LRMDA: variants seen among roughly 807,000 people sequenced by gnomAD.
The protein encoded by LRMDA is leucine-rich melanocyte differentiation-associated protein.
LRMDA carries 18 observed loss-of-function variants against 29.8 expected under a neutral mutation model. That is an observed-to-expected ratio of 0.60 (90% CI 0.42 to 0.90). LRMDA has a LOEUF of 0.90. Ranked by LOEUF, LRMDA falls within the 40% of genes least tolerant of loss-of-function variation. The pLI, the probability that LRMDA is intolerant of heterozygous loss-of-function variation, is 0.00. For synonymous variants in LRMDA, 125 were observed against 109.4 expected, an observed-to-expected ratio of 1.14 and a Z score of -0.89; for missense variants, 273 against 273.9, an observed-to-expected ratio of 1.00 and a Z score of 0.02.
At chr10:76,049,154 G>T (rs1848490263) in intron 4 of LRMDA, among the ~76,000 whole-genome samples, 1 of 152,144 alleles carries the variant, frequency 6.6e-6, no homozygotes, top group African/African-American at 2.4e-5. Flanking sequence ...TACAAGTGTG[G>T]TCTATCTCAT....
chr10:75,683,029 G>A (rs1429151993), intron 2 of LRMDA, among the ~76,000 whole-genome samples: 2 of 152,130 alleles, frequency 1.3e-5, no homozygotes, highest in African/African-American at 2.4e-5. Context: ...GGATTTACAC[G>A]TTGCTGAGCT....
intron 2 of LRMDA, among the ~76,000 whole-genome samples, chr10:76,030,259 T>C (rs1051751223): frequency 6.6e-6 from 1 of 152,120 alleles, no homozygotes; most frequent in Non-Finnish European, 1.5e-5. Context: ...TGTGTGTGTG[T>C]GTGTGTATAT....
chr10:76,363,157 GAAAGAAAGAAA>G (rs1841335446), intron 6 of LRMDA, among the ~76,000 whole-genome samples: 3 of 38,932 alleles, frequency 7.7e-5, no homozygotes, highest in African/African-American at 2.3e-4. Flanking sequence ...AAGAAAGAAA[GAAAGAAAGAAA>G]GAAAGAAAGG....
rs575736270 is a variant in LRMDA, at chr10:76,262,421, G to A, written c.517-61980G>A. ...ATTCTCCGTGAAAAGAACAAAGTGG[G>A]GTGATGGAAAGTATAGTCACTTGGC... On this transcript the variant is annotated intron_variant, in intron 5 of 6. Transcript: ENST00000611255. 4.6e-5 allele frequency among the ~76,000 whole-genome samples: 7 copies of A among 152,250 alleles called. No individual in the cohort carries two copies. The East Asian group carries it at 1.2e-3, about 25-fold the overall frequency.
At chr10:75,977,715 A>C (rs994689765) in intron 2 of LRMDA, among the ~76,000 whole-genome samples, 13 of 152,136 alleles carry the variant, frequency 8.5e-5, no homozygotes, top group Admixed American at 5.9e-4. Context: ...ATGATGGTGA[A>C]GCCCTTTGAG....
At chr10:75,763,672 A>G (rs1488859630) in intron 2 of LRMDA, among the ~76,000 whole-genome samples, 3 of 151,458 alleles carry the variant, frequency 2.0e-5, no homozygotes, top group Admixed American at 6.6e-5. Context: ...CCCTGCAATG[A>G]GTTCTAGCTA....
Position 75,705,618 on chromosome 10 carries a change from A to C in LRMDA, c.131+267124A>C, listed in dbSNP as rs192626488. 6.0e-3 allele frequency among the ~76,000 whole-genome samples: 916 copies of C among 152,342 alleles called. 7 individuals carry two copies. The highest frequency in any genetic ancestry group is 0.014 in the Admixed American group (209 of 15,306). Reference sequence around the variant, plus strand: ...GGAGGGGCCGAATGATGGCAGAGTCAAGGCTAGAGCCGTGCGTGAGCGATG... The same window carrying C: ...GGAGGGGCCGAATGATGGCAGAGTCCAGGCTAGAGCCGTGCGTGAGCGATG... On this transcript the variant is annotated intron_variant, in intron 2 of 6. Coordinates refer to ENST00000611255, the MANE Select transcript of LRMDA (RefSeq NM_001305581.2).
At chr10:75,975,504 A>G (rs984430852) in intron 2 of LRMDA, among the ~76,000 whole-genome samples, 1 of 152,042 alleles carries the variant, frequency 6.6e-6, no homozygotes, top group Admixed American at 6.6e-5. Context: ...CCTCCTTTAC[A>G]CATGTGCTCA....
At chr10:75,897,817 CT>C (rs3042518) in intron 2 of LRMDA, among the ~76,000 whole-genome samples, 214 of 78,400 alleles carry the variant, frequency 2.7e-3, no homozygotes, top group African/African-American at 9.3e-3. Flanking sequence ...TTCTTCCTGC[CT>C]TTTTTTTTTT....
At chr10:75,762,221 G>T (rs1490452741) in intron 2 of LRMDA, among the ~76,000 whole-genome samples, 2 of 152,188 alleles carry the variant, frequency 1.3e-5, no homozygotes, top group Non-Finnish European at 2.9e-5. Flanking sequence ...ACACTGGGTT[G>T]GGTTTCAGAC....
At chr10:75,929,410 G>A (rs755225075) in intron 2 of LRMDA, among the ~76,000 whole-genome samples, 1 of 151,998 alleles carries the variant, frequency 6.6e-6, no homozygotes, top group Non-Finnish European at 1.5e-5. Flanking sequence ...CCATACCATC[G>A]TTGGCCAACT....
chr10:76,403,999 GA>G (rs1167358692), intron 6 of LRMDA, among the ~76,000 whole-genome samples: 1 of 152,004 alleles, frequency 6.6e-6, no homozygotes, highest in Admixed American at 6.6e-5. Context: ...TGAGCCCAGG[GA>G]AGAGGCTCAG....
chr10:75,808,397 A>G (rs976918310), intron 2 of LRMDA, among the ~76,000 whole-genome samples: 10 of 152,244 alleles, frequency 6.6e-5, no homozygotes, highest in African/African-American at 2.2e-4. Flanking sequence ...TGTGAGGCAC[A>G]TCTTAACATA....
At chr10:76,104,765 C>T (rs993763167) in intron 5 of LRMDA, among the ~76,000 whole-genome samples, 3 of 152,198 alleles carry the variant, frequency 2.0e-5, no homozygotes, top group East Asian at 1.9e-4. Flanking sequence ...GATGAGAAGA[C>T]GAAGGGCCGT....
chr10:75,833,150 C>G (rs146785278), intron 2 of LRMDA, among the ~76,000 whole-genome samples: 21 of 152,268 alleles, frequency 1.4e-4, no homozygotes, highest in Non-Finnish European at 2.5e-4. Flanking sequence ...GCCCCTTGCA[C>G]CAGAAAATAG....
intron 2 of LRMDA, among the ~76,000 whole-genome samples, chr10:75,941,880 C>A (rs1846398162): frequency 6.6e-6 from 1 of 152,122 alleles, no homozygotes. Flanking sequence ...AGAATTTCAC[C>A]AACTCCTTCT....
At chr10:75,987,381 A>C (rs569834736) in intron 2 of LRMDA, among the ~76,000 whole-genome samples, 1 of 152,198 alleles carries the variant, frequency 6.6e-6, no homozygotes, top group Admixed American at 6.5e-5. Context: ...CAGGTTACTT[A>C]TCAGTGTCCC....
chr10:75,511,737 C>T (rs1050390968), intron 2 of LRMDA, among the ~76,000 whole-genome samples: 4 of 152,348 alleles, frequency 2.6e-5, no homozygotes, highest in Admixed American at 2.0e-4. Context: ...GCTCAAGACA[C>T]TTGGACTGTT....
chr10:76,308,233 C>A (rs985445179), intron 5 of LRMDA, among the ~76,000 whole-genome samples: 1 of 152,166 alleles, frequency 6.6e-6, no homozygotes, highest in Non-Finnish European at 1.5e-5. Flanking sequence ...CTTCAACCTT[C>A]TCTTTAAATA....
Sources: gnomAD v4.1 joint callset for allele counts (sites outside exome capture counted in the v4.1 genomes callset) on GRCh38, gnomAD v4.1.1 for gene constraint, MANE v1.5 for transcripts, NCBI Gene and HGNC (gene_info 2026-07-23, HGNC 2026-07-21) for gene names.